The following CACNA2D3 variants were observed in gnomAD, a reference collection of about 807,000 sequenced individuals.
CACNA2D3 encodes voltage-dependent calcium channel subunit alpha-2/delta-3.
A neutral mutation model predicts 160.6 loss-of-function variants in CACNA2D3; 60 were observed. That is an observed-to-expected ratio of 0.37 (90% CI 0.30 to 0.46). CACNA2D3 has a LOEUF of 0.46. Among genes scored for constraint, CACNA2D3 ranks in the 20% least tolerant of loss-of-function variants. The pLI is 1.00. For synonymous variants in CACNA2D3, 558 were observed against 492.9 expected (o/e 1.13, Z -1.75); for missense variants, 1,205 against 1,365.0 (o/e 0.88, Z 1.85).
chr3:54,722,383 T>C (rs1213804511), intron 11 of CACNA2D3, among the ~76,000 whole-genome samples: 3 of 152,228 alleles, frequency 2.0e-5, no homozygotes, highest in Non-Finnish European at 2.9e-5. Context: ...GAGTTGGTTA[T>C]TACCCACCTT....
At chr3:54,868,387 G>A (rs1266608508) in intron 17 of CACNA2D3, among the ~76,000 whole-genome samples, 1 of 152,162 alleles carries the variant, frequency 6.6e-6, no homozygotes, top group African/African-American at 2.4e-5. Context: ...CATGAAATTA[G>A]ACTATAGAGA....
chr3:54,292,989 A>G (rs1037255475), intron 2 of CACNA2D3, among the ~76,000 whole-genome samples: 2 of 152,230 alleles, frequency 1.3e-5, no homozygotes, highest in Non-Finnish European at 2.9e-5. Flanking sequence ...GGAATTTTCA[A>G]CCATAAAAAG....
chr3:54,147,612 C>G (rs889755624), intron 2 of CACNA2D3, among the ~76,000 whole-genome samples: 3 of 152,242 alleles, frequency 2.0e-5, no homozygotes, highest in Non-Finnish European at 4.4e-5. Flanking sequence ...TGTAACCTTT[C>G]TGTGCCTCTG....
At chr3:55,033,359 C>G (rs561083754) in intron 35 of CACNA2D3, among the ~76,000 whole-genome samples, 1 of 152,034 alleles carries the variant, frequency 6.6e-6, no homozygotes, top group African/African-American at 2.4e-5. Context: ...AAGTCTCTGC[C>G]ACCCATAATC....
At chr3:54,352,472 C>T (rs571214461) in intron 3 of CACNA2D3, among the ~76,000 whole-genome samples, 148 of 152,328 alleles carry the variant, frequency 9.7e-4, no homozygotes, top group African/African-American at 3.4e-3. Flanking sequence ...CGTTCACAGA[C>T]ATCAACCTGG....
chr3:54,469,119 T>A (rs368409070), intron 4 of CACNA2D3, among the ~76,000 whole-genome samples: 2 of 151,976 alleles, frequency 1.3e-5, no homozygotes, highest in African/African-American at 4.8e-5. Context: ...TGAACCCTAT[T>A]CCCCCTGATT....
intron 9 of CACNA2D3, among the ~76,000 whole-genome samples, chr3:54,586,305 A>G (rs2106747673): frequency 6.6e-6 from 1 of 152,064 alleles, no homozygotes; most frequent in East Asian, 1.9e-4. Flanking sequence ...ATACAGTGAC[A>G]GATATGTTGA....
chr3:54,704,811 C>T (rs1246653030), intron 11 of CACNA2D3, among the ~76,000 whole-genome samples: 1 of 152,116 alleles, frequency 6.6e-6, no homozygotes, highest in Non-Finnish European at 1.5e-5. Flanking sequence ...TCTTGGTGTG[C>T]ATTGCAGTTT....
intron 3 of CACNA2D3, among the ~76,000 whole-genome samples, chr3:54,379,608 G>C (rs1366736819): frequency 6.6e-6 from 1 of 152,116 alleles, no homozygotes; most frequent in East Asian, 1.9e-4. Context: ...AGTCATTGTT[G>C]TGGCCTCTGT....
intron 4 of CACNA2D3, among the ~76,000 whole-genome samples, chr3:54,417,504 A>C (rs556801560): frequency 6.6e-6 from 1 of 151,746 alleles, no homozygotes. Context: ...GATCTTTTAC[A>C]TGGAAAGGAT....
intron 33 of CACNA2D3, among the ~76,000 whole-genome samples, chr3:55,008,121 C>A (rs764900574): frequency 2.6e-5 from 4 of 152,216 alleles, no homozygotes; most frequent in Admixed American, 6.5e-5. Context: ...CTCAATTTCA[C>A]ATGGATGTCT....
chr3:54,486,847 G>A lies in CACNA2D3; in HGVS notation c.382-16645G>A, dbSNP rs185735166. Among the ~76,000 whole-genome samples, 872 of 152,200 alleles carry A rather than the reference G, an allele frequency of 5.7e-3. 10 individuals are homozygous for A. Among genetic ancestry groups the A allele is most frequent in the Non-Finnish European group, 9.9e-3 (670 of 68,008 alleles). On this transcript the variant is annotated intron_variant, in intron 4 of 37. Transcript: ENST00000474759. The stretch of plus-strand genomic sequence containing the variant: ...ATAGCCCCTCTTGTAGTGGAGAATG[G>A]GGTTTCTAGTTCTGAAACAAGGGAG...
chr3:54,122,825 C>G lies in CACNA2D3; in HGVS notation c.112C>G (p.Pro38Ala), dbSNP rs1386061089. ...GDVVRSEQQI[P>A]LSVVKLWASA... Reference sequence around the variant, plus strand: ...CGTGGTGCGCTCGGAGCAGCAGATACCGCTCTCCGTGTAAGTGCCGGCTCC... The same window carrying G: ...CGTGGTGCGCTCGGAGCAGCAGATAGCGCTCTCCGTGTAAGTGCCGGCTCC... The change falls in exon 1 of 38, where the codon CCG (proline) becomes GCG (alanine). Residue 38 changes from proline (P) to alanine (A), a missense_variant. Physicochemically the swap from Pro to Ala is conservative, Grantham distance 27. Coordinates refer to ENST00000474759, the MANE Select transcript of CACNA2D3 (RefSeq NM_018398.3). The G allele has an allele frequency of 8.1e-7, 1 of 1,231,590 alleles. No individual in the cohort carries two copies. 76.3% of individuals were successfully genotyped at this position (1,231,590 alleles called of 1,614,324 possible).
intron 5 of CACNA2D3, among the ~76,000 whole-genome samples, chr3:54,539,462 G>A (rs938799015): frequency 1.3e-5 from 2 of 152,208 alleles, no homozygotes; most frequent in Non-Finnish European, 2.9e-5. Context: ...GGGTGTGTGT[G>A]TGTTGTATGT....
In CACNA2D3 at chr3:54,682,545, G is replaced by C. The variant is rs78065930; in HGVS notation, c.1167+40304G>C. Among the ~76,000 whole-genome samples the C allele has an allele frequency of 6.6e-3, 999 of 152,194 alleles. 4 individuals are homozygous for C. The highest frequency in any genetic ancestry group is 9.5e-3 in the Non-Finnish European group (646 of 68,010). ...GGAGGCTGAGGCACAAGAATCGCTT[G>C]AGCTGCAGTGAGCTGAGATGGTGCC... On this transcript the variant is annotated intron_variant, in intron 11 of 37. Transcript: ENST00000474759.
chr3:54,772,724 CAT>C (rs1410136767), intron 13 of CACNA2D3, among the ~76,000 whole-genome samples: 2 of 152,140 alleles, frequency 1.3e-5, no homozygotes, highest in Admixed American at 6.5e-5. Context: ...ATAGGCCTCT[CAT>C]ATGAATACAA....
intron 27 of CACNA2D3, among the ~76,000 whole-genome samples, chr3:54,931,403 A>C (rs952262745): frequency 1.3e-5 from 2 of 152,228 alleles, no homozygotes; most frequent in African/African-American, 4.8e-5. Flanking sequence ...AGCCAAGAGA[A>C]CAAAGGGAGG....
rs114848725 is a variant in CACNA2D3, at chr3:54,174,422, T to A, written c.204+50828T>A. Among the ~76,000 whole-genome samples, 1,004 of 152,342 alleles carry A rather than the reference T, an allele frequency of 6.6e-3. 3 individuals are homozygous for A. Among genetic ancestry groups the A allele is most frequent in the Non-Finnish European group, 0.012 (803 of 68,036 alleles). On this transcript the variant is annotated intron_variant, in intron 2 of 37. Coordinates refer to ENST00000474759, the MANE Select transcript of CACNA2D3 (RefSeq NM_018398.3). Reference sequence around the variant, plus strand: ...AAACCATTCTGATAACCACAGTTGCTGAGATGGTTTTTAAGTGGGTTGGGA... The same window carrying A: ...AAACCATTCTGATAACCACAGTTGCAGAGATGGTTTTTAAGTGGGTTGGGA...
intron 2 of CACNA2D3, among the ~76,000 whole-genome samples, chr3:54,183,905 A>G (rs1332820199): frequency 6.7e-6 from 1 of 150,366 alleles, no homozygotes; most frequent in African/African-American, 2.4e-5. Flanking sequence ...AAAAAAAAAA[A>G]AAAAAAAAAA....
Sources: gnomAD v4.1 joint callset for allele counts (sites outside exome capture counted in the v4.1 genomes callset) on GRCh38, gnomAD v4.1.1 for gene constraint, MANE v1.5 for transcripts, NCBI Gene and HGNC (gene_info 2026-07-23, HGNC 2026-07-21) for gene names.